TENM3: variants seen among roughly 807,000 people sequenced by gnomAD.
The protein encoded by TENM3 is teneurin transmembrane protein 3, also known as teneurin-3.
TENM3 carries 63 observed loss-of-function variants against 255.1 expected under a neutral mutation model. The ratio of observed to expected loss-of-function variants is 0.25; its 90% CI spans 0.20 to 0.30. The LOEUF (loss-of-function observed/expected upper bound fraction) is 0.30, where lower values mean the gene tolerates loss of function less well. Among genes scored for constraint, TENM3 ranks in the 10% least tolerant of loss-of-function variants. The pLI, the probability that TENM3 is intolerant of heterozygous loss-of-function variation, is 1.00. For missense variants in TENM3, 2,929 were observed against 3,461.1 expected (o/e 0.85, Z 3.86); for synonymous variants, 1,306 against 1,322.3 (o/e 0.99, Z 0.27).
At chr4:182,644,105 T>G (rs1352292486) in intron 5 of TENM3, among the ~76,000 whole-genome samples, 2 of 152,196 alleles carry the variant, frequency 1.3e-5, no homozygotes, top group Non-Finnish European at 2.9e-5. Context: ...ACACACCACC[T>G]TCAGGTGACT....
intron 12 of TENM3, among the ~76,000 whole-genome samples, chr4:182,705,758 A>T (rs986683437): frequency 1.3e-5 from 2 of 152,078 alleles, no homozygotes; most frequent in Non-Finnish European, 2.9e-5. Context: ...GGGAACTACT[A>T]CTCAGCAGAT....
chr4:182,565,481 T>C (rs1010071059), intron 3 of TENM3, among the ~76,000 whole-genome samples: 1 of 152,236 alleles, frequency 6.6e-6, no homozygotes, highest in Admixed American at 6.5e-5. Context: ...TATAGTGTAG[T>C]GTTGCCACTA....
intron 1 of TENM3, among the ~76,000 whole-genome samples, chr4:182,224,802 T>C (rs113958297): frequency 0.023 from 3,522 of 151,642 alleles, 126 homozygotes; most frequent in African/African-American, 0.082. Context: ...AGTGGCACGA[T>C]TTCGGCTCAC....
the TENM3 span, among the ~76,000 whole-genome samples, chr4:181,568,120 T>C: frequency 0.17 from 26,500 of 151,556 alleles, 2,675 homozygotes; most frequent in African/African-American, 0.29. Flanking sequence ...GCCTGTTTTC[T>C]CCATAGGAAG....
At chr4:182,594,081 C>T (rs1016955355) in intron 3 of TENM3, among the ~76,000 whole-genome samples, 33 of 152,130 alleles carry the variant, frequency 2.2e-4, no homozygotes, top group Admixed American at 2.0e-3. Context: ...GTGACTAGGC[C>T]GAACTTCATG....
chr4:181,685,762 G>A, the TENM3 span, among the ~76,000 whole-genome samples: 48 of 151,032 alleles, frequency 3.2e-4, no homozygotes, highest in African/African-American at 1.1e-3. Context: ...CCCCTTGATA[G>A]CTAGTAAAGG....
At chr4:182,508,817 T>G (rs1247891279) in intron 3 of TENM3, among the ~76,000 whole-genome samples, 1 of 152,234 alleles carries the variant, frequency 6.6e-6, no homozygotes, top group African/African-American at 2.4e-5. Flanking sequence ...TGTTCTTGTA[T>G]TGGTTTCTTA....
At chr4:182,467,792 G>A (rs1732739319) in intron 3 of TENM3, among the ~76,000 whole-genome samples, 1 of 152,154 alleles carries the variant, frequency 6.6e-6, no homozygotes, top group South Asian at 2.1e-4. Context: ...TTATGAACAC[G>A]CACCCTGTAA....
chr4:182,620,265 G>A (rs1050065143), intron 4 of TENM3, among the ~76,000 whole-genome samples: 3 of 152,124 alleles, frequency 2.0e-5, no homozygotes, highest in South Asian at 2.1e-4. Context: ...CCATTCCTTC[G>A]TTAAATATTT....
the TENM3 span, among the ~76,000 whole-genome samples, chr4:182,087,470 T>C: frequency 6.6e-6 from 1 of 152,202 alleles, no homozygotes; most frequent in African/African-American, 2.4e-5. Flanking sequence ...TGGTGCTTGA[T>C]GTCAATGAAT....
chr4:181,605,472 GA>G, the TENM3 span, among the ~76,000 whole-genome samples: 1 of 105,196 alleles, frequency 9.5e-6, no homozygotes, highest in Non-Finnish European at 2.0e-5. Context: ...GAGAGAGAGA[GA>G]GAAACAGAGA....
At chr4:182,444,294 A>T (rs1772729019) in intron 3 of TENM3, among the ~76,000 whole-genome samples, 1 of 152,224 alleles carries the variant, frequency 6.6e-6, no homozygotes, top group Admixed American at 6.5e-5. Context: ...TACTGACAAA[A>T]TAACAGTTGG....
At chr4:181,744,752 T>C in the TENM3 span, among the ~76,000 whole-genome samples, 1 of 152,090 alleles carries the variant, frequency 6.6e-6, no homozygotes, top group Non-Finnish European at 1.5e-5. Flanking sequence ...ACTGCCAAAA[T>C]TTGCAAATAG....
At chr4:182,694,803 A>G (rs1356324623) in intron 12 of TENM3, among the ~76,000 whole-genome samples, 2 of 152,200 alleles carry the variant, frequency 1.3e-5, no homozygotes, top group Non-Finnish European at 2.9e-5. Context: ...TATTTCGGAA[A>G]CAAGATGGGG....
the TENM3 span, among the ~76,000 whole-genome samples, chr4:182,089,848 A>G: frequency 6.6e-6 from 1 of 152,184 alleles, no homozygotes; most frequent in Non-Finnish European, 1.5e-5. Flanking sequence ...AGGAGATTTT[A>G]CCAATGCTAC....
At chr4:181,825,013 T>C in the TENM3 span, among the ~76,000 whole-genome samples, 1 of 152,162 alleles carries the variant, frequency 6.6e-6, no homozygotes, top group Non-Finnish European at 1.5e-5. Flanking sequence ...TTTAATTCAG[T>C]TCTCAGAAAT....
the TENM3 span, among the ~76,000 whole-genome samples, chr4:181,468,790 C>A: frequency 6.6e-6 from 1 of 152,168 alleles, no homozygotes; most frequent in Non-Finnish European, 1.5e-5. Flanking sequence ...TTTTTGCTAG[C>A]ATTTTGCCTT....
chr4:182,778,326 G>T (rs993855619), intron 24 of TENM3, among the ~76,000 whole-genome samples: 3 of 152,164 alleles, frequency 2.0e-5, no homozygotes, highest in East Asian at 3.9e-4. Context: ...GTGTTTAAAG[G>T]CATGCATAAA....
chr4:182,133,075 C>G, the TENM3 span, among the ~76,000 whole-genome samples: 2 of 152,086 alleles, frequency 1.3e-5, no homozygotes, highest in Admixed American at 1.3e-4. Flanking sequence ...TTGCAGTAGT[C>G]AAGACAACAT....
Sources: allele counts gnomAD v4.1 joint callset (sites outside exome capture counted in the v4.1 genomes callset), GRCh38; gene constraint gnomAD v4.1.1; transcripts MANE v1.5; gene names NCBI Gene and HGNC (gene_info 2026-07-23, HGNC 2026-07-21).